Variants in CXADR observed in about 807,000 individuals in gnomAD.
The protein encoded by CXADR is CXADR cell adhesion molecule, also known as coxsackievirus and adenovirus receptor.
A neutral mutation model predicts 40.3 loss-of-function variants in CXADR; 20 were observed. That is an observed-to-expected ratio of 0.50 (90% confidence interval 0.35 to 0.72). The LOEUF (loss-of-function observed/expected upper bound fraction) is 0.72, where lower values mean the gene tolerates loss of function less well. Among genes scored for constraint, CXADR ranks in the 30% least tolerant of loss-of-function variants. The pLI, the probability that CXADR is intolerant of heterozygous loss-of-function variation, is 0.01. For missense variants in CXADR, 332 were observed against 449.1 expected (o/e 0.74, Z 2.36); for synonymous variants, 150 against 161.3 (o/e 0.93, Z 0.53).
At chr21:17,532,813 C>T (rs571820570) in intron 1 of CXADR, among the ~76,000 whole-genome samples, 10 of 152,306 alleles carry the variant, frequency 6.6e-5, no homozygotes, top group African/African-American at 2.4e-4. Flanking sequence ...TATTTAATTT[C>T]TCCAATGAAG....
At chr21:17,597,336 T>C (rs1408584692), downstream of CXADR, among the ~76,000 whole-genome samples, 1 of 152,018 alleles carries the variant, frequency 6.6e-6, no homozygotes, top group South Asian at 2.1e-4. Flanking sequence ...TTTGGATGAA[T>C]TCCAGAAAAT....
At chr21:17,571,036 C>T (rs1349998643), downstream of CXADR, among the ~76,000 whole-genome samples, 1 of 152,228 alleles carries the variant, frequency 6.6e-6, no homozygotes, top group Admixed American at 6.5e-5. Flanking sequence ...ATCCCCACCA[C>T]AGTTGTGACA....
At chr21:17,519,110 A>C (rs1482375236) in intron 1 of CXADR, 1 of 774,608 alleles carries the variant, frequency 1.3e-6, no homozygotes, top group Non-Finnish European at 2.2e-6. Context: ...TACCACCATC[A>C]GAGGAAAAAT....
chr21:17,541,169 C>G (rs2060822405), intron 1 of CXADR, among the ~76,000 whole-genome samples: 1 of 152,054 alleles, frequency 6.6e-6, no homozygotes. Context: ...GGGGTTCACT[C>G]TTGGTTTTGT....
At chr21:17,593,128 A>ATATC in intron 7 of CXADR, 1 of 1,398,304 alleles carries the variant, frequency 7.2e-7, no homozygotes. Flanking sequence ...TCTTATAGAG[A>ATATC]TATCTCTTTT....
the CXADR span, among the ~76,000 whole-genome samples, chr21:17,603,660 A>G: frequency 6.6e-6 from 1 of 152,150 alleles, no homozygotes; most frequent in Non-Finnish European, 1.5e-5. Context: ...AAATAGAAAC[A>G]TCCTAAAGGC....
chr21:17,579,278 TTC>T (rs1362282816), intron 7 of CXADR, among the ~76,000 whole-genome samples: 1 of 141,456 alleles, frequency 7.1e-6, no homozygotes, highest in Non-Finnish European at 1.6e-5. Flanking sequence ...TCTTTTTCCT[TTC>T]TTCTCTTTTC....
Position 17,551,893 on chromosome 21 carries a change from C to A in CXADR, c.355C>A (p.Gln119Lys). The change falls in exon 3 of 7, where the codon CAG becomes AAG. Residue 119 changes from glutamine to lysine, a missense_variant. Physicochemically the swap from Gln to Lys is moderately conservative, Grantham distance 53. Around this residue, in one of 3 missense-constraint regions of CXADR, gnomAD observed 162 missense variants for 198.5 expected, o/e 0.82. Coordinates refer to ENST00000284878, the MANE Select transcript of CXADR (RefSeq NM_001338.5). ...ACAACTGTCAGATATTGGCACATAT[C>A]AGTGCAAAGTGAAAAAAGCTCCTGG... Reference protein sequence around the residue: ...NLQLSDIGTYQCKVKKAPGVA... With the variant: ...NLQLSDIGTYKCKVKKAPGVA... 1 of 1,613,876 alleles carries A rather than the reference C, an allele frequency of 6.2e-7. No individual in the cohort carries two copies. Among genetic ancestry groups the A allele is most frequent in the Non-Finnish European group, 8.5e-7 (1 of 1,179,806 alleles).
In CXADR at chr21:17,565,618, G is replaced by T. The variant is rs777789855; in HGVS notation, c.1024G>T (p.Ala342Ser). Residue 342 changes from alanine (A) to serine (S), a missense_variant, in exon 7 of 7, where the codon GCC becomes TCC. Physicochemically the swap from Ala to Ser is moderately conservative, Grantham distance 99. Coordinates refer to ENST00000284878, the MANE Select transcript of CXADR (RefSeq NM_001338.5). ...SPTLPPAKVA[A>S]PNLSRMGAIP... ...GACTCTCCCACCTGCTAAGGTAGCTGCCCCTAATCTAAGTCGAATGGGTGC... is the reference window on the plus strand; with the variant it reads ...GACTCTCCCACCTGCTAAGGTAGCTTCCCCTAATCTAAGTCGAATGGGTGC... The T allele has an allele frequency of 8.7e-6, 14 of 1,612,516 alleles. No individual in the cohort carries two copies. Among genetic ancestry groups the T allele is most frequent in the Non-Finnish European group, 1.2e-5 (14 of 1,179,864 alleles).
downstream of CXADR, among the ~76,000 whole-genome samples, chr21:17,595,755 A>G (rs1423609502): frequency 6.6e-6 from 1 of 152,072 alleles, no homozygotes; most frequent in African/African-American, 2.4e-5. Context: ...TAATTCTAAT[A>G]GAAGGCTTTA....
chr21:17,602,139 A>C, the CXADR span, among the ~76,000 whole-genome samples: 1 of 152,194 alleles, frequency 6.6e-6, no homozygotes, highest in Admixed American at 6.5e-5. Context: ...TGGGGGAAAA[A>C]AAGGATGGCA....
intron 1 of CXADR, among the ~76,000 whole-genome samples, chr21:17,519,847 T>A (rs1303204378): frequency 2.0e-5 from 3 of 152,082 alleles, no homozygotes; most frequent in Admixed American, 1.3e-4. Flanking sequence ...TAATCCCAGC[T>A]ACTCAGGAGG....
At chr21:17,594,966 A>C (rs1368977419), downstream of CXADR, among the ~76,000 whole-genome samples, 1 of 152,028 alleles carries the variant, frequency 6.6e-6, no homozygotes, top group African/African-American at 2.4e-5. Context: ...CCTATGGAAC[A>C]AACCTTCATG....
chr21:17,633,486 C>T, the CXADR span, among the ~76,000 whole-genome samples: 5 of 152,060 alleles, frequency 3.3e-5, no homozygotes, highest in South Asian at 2.1e-4. Flanking sequence ...TTGAGCTGGG[C>T]GGAGGCTGCA....
At chr21:17,617,300 A>ATTG in the CXADR span, among the ~76,000 whole-genome samples, 6,063 of 151,596 alleles carry the variant, frequency 0.04, 388 homozygotes, top group African/African-American at 0.14. Context: ...AGGTGCCATT[A>ATTG]TTGTTGTTGT....
rs1299608959 is a variant in CXADR at position 17,551,786 on chromosome 21, A to G, written c.248A>G (p.Tyr83Cys). Residue 83 changes from tyrosine to cysteine, a missense_variant, in exon 3 of 7, where the codon TAC (tyrosine) becomes TGC (cysteine). Tyr to Cys is a radical substitution (Grantham distance 194). Coordinates refer to ENST00000284878, the MANE Select transcript of CXADR (RefSeq NM_001338.5). ...TCTGGAGACAAAATTTATGATGACT[A>G]CTATCCAGATCTGAAAGGCCGAGTA... ...LYSGDKIYDD[Y>C]YPDLKGRVHF... is the part of the protein sequence containing the mutation. The G allele has an allele frequency of 1.2e-6, 2 of 1,613,680 alleles. No homozygotes were observed. Among genetic ancestry groups the G allele is most frequent in the Non-Finnish European group, 1.7e-6 (2 of 1,179,752 alleles).
chr21:17,562,454 T>C (rs545229260), intron 6 of CXADR, among the ~76,000 whole-genome samples: 1 of 152,334 alleles, frequency 6.6e-6, no homozygotes, highest in South Asian at 2.1e-4. Context: ...TCCGAGTATC[T>C]GGGACTACAG....
chr21:17,535,404 C>T (rs2060742493), intron 1 of CXADR, among the ~76,000 whole-genome samples: 1 of 151,628 alleles, frequency 6.6e-6, no homozygotes. Flanking sequence ...CACTATGTTG[C>T]CCAGGTTGGT....
chr21:17,567,008 C>G lies in CXADR; in HGVS notation c.*1316C>G. ...AAGGAGGAGTAAAGGGACTACTCCT[C>G]CTTGCCAAATGTGCTAAATATCATT... On this transcript the variant is annotated 3_prime_UTR_variant, in exon 7 of 7. Transcript: ENST00000284878. The G allele has an allele frequency of 1.0e-6, 1 of 979,890 alleles. No homozygotes were observed. Among genetic ancestry groups the G allele is most frequent in the Non-Finnish European group, 1.2e-6 (1 of 825,228 alleles). 60.7% of individuals were successfully genotyped at this position (979,890 alleles called of 1,614,324 possible).
Sources: gnomAD v4.1 joint callset for allele counts (sites outside exome capture counted in the v4.1 genomes callset) on GRCh38, gnomAD v4.1.1 for gene constraint, gnomAD v4.1.1 regional missense constraint, MANE v1.5 for transcripts, NCBI Gene and HGNC (gene_info 2026-07-23, HGNC 2026-07-21) for gene names.